CCDC102B: variants seen among roughly 807,000 people sequenced by gnomAD.
The protein encoded by CCDC102B is coiled-coil domain containing 102B.
In CCDC102B, 75 loss-of-function variants were observed where a neutral mutation model predicts 57.4. That is an observed-to-expected ratio of 1.31 (90% CI 1.08 to 1.58). The LOEUF (loss-of-function observed/expected upper bound fraction) is 1.58, where lower values mean the gene tolerates loss of function less well. CCDC102B is among the 40% of genes most tolerant of loss of function. The pLI is 0.00. For missense variants in CCDC102B, 636 were observed against 582.6 expected (o/e 1.09, Z -0.94); for synonymous variants, 206 against 201.9 (o/e 1.02, Z -0.17).
intron 6 of CCDC102B, among the ~76,000 whole-genome samples, chr18:68,989,678 T>G (rs665143): frequency 1.3e-5 from 2 of 152,182 alleles, no homozygotes; most frequent in Non-Finnish European, 2.9e-5. Flanking sequence ...GCTACCACGT[T>G]GTCTCTCTTG....
At chr18:68,876,985 C>T (rs1444825776) in intron 5 of CCDC102B, among the ~76,000 whole-genome samples, 1 of 152,128 alleles carries the variant, frequency 6.6e-6, no homozygotes, top group Non-Finnish European at 1.5e-5. Flanking sequence ...AGCCTGTAAT[C>T]ATTTATCCAG....
chr18:68,784,258 G>C (rs894968950), intron 2 of CCDC102B, among the ~76,000 whole-genome samples: 1 of 152,108 alleles, frequency 6.6e-6, no homozygotes, highest in Non-Finnish European at 1.5e-5. Flanking sequence ...TTCCAGTCAT[G>C]GCAGAAGGCA....
chr18:68,893,520 T>C (rs780036186), intron 5 of CCDC102B, among the ~76,000 whole-genome samples: 3 of 152,162 alleles, frequency 2.0e-5, no homozygotes, highest in Non-Finnish European at 2.9e-5. Flanking sequence ...ATCATTGTCA[T>C]TGAAATACAG....
At chr18:69,037,071 G>A (rs1045814939) in intron 7 of CCDC102B, among the ~76,000 whole-genome samples, 10 of 150,654 alleles carry the variant, frequency 6.6e-5, no homozygotes, top group South Asian at 2.1e-4. Flanking sequence ...ATATATACAC[G>A]CACATACACA....
intron 1 of CCDC102B, among the ~76,000 whole-genome samples, chr18:68,817,114 C>T (rs1403177333): frequency 1.3e-5 from 2 of 152,166 alleles, no homozygotes; most frequent in African/African-American, 4.8e-5. Context: ...TAAAATGTTG[C>T]ATGCATTTTT....
At chr18:68,946,401 G>C (rs1025345564) in intron 6 of CCDC102B, among the ~76,000 whole-genome samples, 1 of 152,060 alleles carries the variant, frequency 6.6e-6, no homozygotes, top group East Asian at 1.9e-4. Context: ...ATGATCTATA[G>C]TGTGTGAATA....
intron 2 of CCDC102B, among the ~76,000 whole-genome samples, chr18:68,766,283 T>G (rs2034468106): frequency 1.3e-5 from 2 of 152,154 alleles, no homozygotes; most frequent in Admixed American, 1.3e-4. Flanking sequence ...AAGTGCTGTA[T>G]AAAAACAGTA....
At chr18:68,956,360 A>ATTAATATAGATT (rs1568351914) in intron 6 of CCDC102B, among the ~76,000 whole-genome samples, 1 of 74,942 alleles carries the variant, frequency 1.3e-5, no homozygotes, top group African/African-American at 5.3e-5. Flanking sequence ...TAATATATAT[A>ATTAATATAGATT]ATATATATAT....
Position 68,994,633 on chromosome 18 carries a change from A to G in CCDC102B, c.1264-16301A>G, listed in dbSNP as rs1204757755. Among the ~76,000 whole-genome samples, 5 of 152,002 alleles carry G rather than the reference A, an allele frequency of 3.3e-5. No homozygotes were observed. The South Asian group carries it at 8.3e-4, about 25-fold the overall frequency. On this transcript the variant is annotated intron_variant, in intron 6 of 7. Transcript: ENST00000360242. ...TTCTCACAAGATCTGATGGTTTTAT[A>G]AAGGGTTCTTCCCCTTTCTTCCTTC...
At chr18:68,840,639 C>G (rs570176138) in intron 3 of CCDC102B, among the ~76,000 whole-genome samples, 1 of 152,174 alleles carries the variant, frequency 6.6e-6, no homozygotes, top group East Asian at 1.9e-4. Context: ...CAGTCACATT[C>G]TAATCTCCGT....
upstream of CCDC102B, among the ~76,000 whole-genome samples, chr18:68,795,240 C>T (rs554527021): frequency 2.4e-4 from 37 of 151,876 alleles, no homozygotes; most frequent in African/African-American, 8.0e-4. Context: ...GTAGAGTCTT[C>T]GGAAGAAATA....
At chr18:68,876,791 T>C (rs1255605247) in intron 5 of CCDC102B, among the ~76,000 whole-genome samples, 1 of 152,206 alleles carries the variant, frequency 6.6e-6, no homozygotes. Context: ...ATGAGATTTA[T>C]ATGACTAAAC....
At chr18:68,811,642 A>G (rs1188661488) in intron 1 of CCDC102B, among the ~76,000 whole-genome samples, 1 of 152,108 alleles carries the variant, frequency 6.6e-6, no homozygotes, top group Admixed American at 6.5e-5. Flanking sequence ...AAAACATAAG[A>G]AAGTCAACAA....
intron 7 of CCDC102B, among the ~76,000 whole-genome samples, chr18:69,011,843 A>G (rs1246176835): frequency 6.6e-6 from 1 of 152,158 alleles, no homozygotes; most frequent in Non-Finnish European, 1.5e-5. Flanking sequence ...CTGTTTCTAT[A>G]TAATGCAAAA....
rs184029996 is a variant in CCDC102B, at chr18:68,919,659, T to C, written c.1263+22231T>C. Among the ~76,000 whole-genome samples, 262 of 152,292 alleles carry C rather than the reference T, an allele frequency of 1.7e-3. 2 individuals carry two copies. Among genetic ancestry groups the C allele is most frequent in the African/African-American group, 6.0e-3 (248 of 41,568 alleles). ...CTTGAACTCTGCTGCAAACTTAGGC[T>C]ACAAAAAACTTTTCTTTATAAGTTC... On this transcript the variant is annotated intron_variant, in intron 6 of 7. Coordinates refer to ENST00000360242, the MANE Select transcript of CCDC102B (RefSeq NM_024781.3).
At chr18:69,028,582 T>C (rs2052055523) in intron 7 of CCDC102B, among the ~76,000 whole-genome samples, 1 of 152,080 alleles carries the variant, frequency 6.6e-6, no homozygotes, top group Non-Finnish European at 1.5e-5. Flanking sequence ...GGCAGATATC[T>C]TCCTTACTAC....
intron 7 of CCDC102B, among the ~76,000 whole-genome samples, chr18:69,044,843 A>G (rs183670011): frequency 7.9e-5 from 12 of 152,308 alleles, no homozygotes; most frequent in Non-Finnish European, 8.8e-5. Context: ...GGGCTGCCAT[A>G]ACGAAATACC....
intron 6 of CCDC102B, among the ~76,000 whole-genome samples, chr18:68,942,821 G>T (rs546300156): frequency 1.0e-3 from 151 of 150,592 alleles, no homozygotes; most frequent in African/African-American, 3.5e-3. Flanking sequence ...ACCCTTTACA[G>T]GTGTCGGGCT....
chr18:68,755,373 CTCAAGCACTGAAAAGTTG>C (rs2034010677), intron 2 of CCDC102B, among the ~76,000 whole-genome samples: 1 of 152,074 alleles, frequency 6.6e-6, no homozygotes, highest in African/African-American at 2.4e-5. Flanking sequence ...TGTGGGCAGG[CTCAAGCACTGAAAAGTTG>C]TAATGGAAGA....
Sources: allele counts gnomAD v4.1 joint callset (sites outside exome capture counted in the v4.1 genomes callset), GRCh38; gene constraint gnomAD v4.1.1; transcripts MANE v1.5; gene names NCBI Gene and HGNC (gene_info 2026-07-23, HGNC 2026-07-21).